The following TNS3 variants were observed in gnomAD, a reference collection of about 807,000 sequenced individuals.
TNS3 encodes the protein tensin 3, also known as tensin-3.
A neutral mutation model predicts 140.9 loss-of-function variants in TNS3; 45 were observed. That is an observed-to-expected ratio of 0.32 (90% CI 0.25 to 0.41). The LOEUF (loss-of-function observed/expected upper bound fraction) is 0.41, where lower values mean the gene tolerates loss of function less well. TNS3 is among the 10% of genes least tolerant of loss of function. TNS3 has a pLI of 1.00. For missense variants in TNS3, 1,716 were observed against 1,906.7 expected (o/e 0.90, Z 1.86); for synonymous variants, 815 against 788.4 (o/e 1.03, Z -0.56).
chr7:47,502,012 G>A (rs11505555), intron 3 of TNS3, among the ~76,000 whole-genome samples: 2,521 of 152,284 alleles, frequency 0.017, 64 homozygotes, highest in African/African-American at 0.057. Context: ...GTAGGCATAC[G>A]AGCAAGGTGG....
intron 2 of TNS3, among the ~76,000 whole-genome samples, chr7:47,514,942 C>A (rs1365032303): frequency 6.6e-6 from 1 of 152,154 alleles, no homozygotes; most frequent in Non-Finnish European, 1.5e-5. Context: ...TGTTAGGCCA[C>A]CCAAGGGAAC....
chr7:47,280,246 T>G, intron 29 of TNS3, 40 bp downstream of exon 29: 1 of 1,613,982 alleles, frequency 6.2e-7, no homozygotes, highest in Non-Finnish European at 8.5e-7. Flanking sequence ...AGGATAGAAT[T>G]AAGTACACTC....
chr7:47,510,631 T>C (rs552055393), intron 2 of TNS3, among the ~76,000 whole-genome samples: 10 of 152,184 alleles, frequency 6.6e-5, no homozygotes, highest in African/African-American at 2.2e-4. Flanking sequence ...CTCAACACTT[T>C]GGGAGGCTGA....
rs150249966 is a variant in TNS3 at position 47,577,164 on chromosome 7, G to A, written c.-265+4887C>T. On this transcript the variant is annotated intron_variant, in intron 1 of 30. Coordinates refer to ENST00000311160, the MANE Select transcript of TNS3 (RefSeq NM_022748.12). ...CTGGCTAGGAGTGGCACTTGTAATCGTCAGCAGGGCACCCGTATTCATCCT... is the reference window on the plus strand; with the variant it reads ...CTGGCTAGGAGTGGCACTTGTAATCATCAGCAGGGCACCCGTATTCATCCT... 3.9e-4 allele frequency among the ~76,000 whole-genome samples: 59 copies of A among 152,292 alleles called. No individual in the cohort carries two copies. In the Middle Eastern group the frequency reaches 0.01, roughly 26 times the overall value.
At chr7:47,552,334 C>T (rs948445099) in intron 1 of TNS3, among the ~76,000 whole-genome samples, 3 of 152,148 alleles carry the variant, frequency 2.0e-5, no homozygotes, top group South Asian at 2.1e-4. Flanking sequence ...TCTCTGCCTC[C>T]GTTGCAGAAA....
At chr7:47,508,156 T>G (rs1360543487) in intron 2 of TNS3, among the ~76,000 whole-genome samples, 1 of 152,170 alleles carries the variant, frequency 6.6e-6, no homozygotes, top group African/African-American at 2.4e-5. Flanking sequence ...TTCTATGATG[T>G]GTCAAAGTCA....
At chr7:47,334,059 C>A (rs1452202062) in intron 20 of TNS3, among the ~76,000 whole-genome samples, 3 of 152,152 alleles carry the variant, frequency 2.0e-5, no homozygotes, top group Non-Finnish European at 4.4e-5. Flanking sequence ...TGGCAAACAT[C>A]ATGACCCTTT....
intron 17 of TNS3, among the ~76,000 whole-genome samples, chr7:47,358,292 C>T (rs1465341784): frequency 1.3e-5 from 2 of 152,158 alleles, no homozygotes; most frequent in South Asian, 2.1e-4. Flanking sequence ...CACGTGCCAC[C>T]ATGCCCGGCT....
At chr7:47,287,194 AG>A (rs1365512709) in intron 27 of TNS3, among the ~76,000 whole-genome samples, 11 of 152,212 alleles carry the variant, frequency 7.2e-5, no homozygotes, top group Admixed American at 6.5e-4. Context: ...AAAAGAAGTA[AG>A]TCTTTCTTTT....
intron 2 of TNS3, among the ~76,000 whole-genome samples, chr7:47,519,000 C>T (rs1279761025): frequency 6.6e-6 from 1 of 151,698 alleles, no homozygotes; most frequent in Non-Finnish European, 1.5e-5. Flanking sequence ...CACTCAAGAG[C>T]TGACAGAGTC....
chr7:47,319,343 T>G (rs1320149422), intron 20 of TNS3, among the ~76,000 whole-genome samples: 6 of 151,760 alleles, frequency 4.0e-5, no homozygotes, highest in African/African-American at 1.5e-4. Context: ...ACTGGACTTG[T>G]GAAAGGAAGC....
intron 1 of TNS3, among the ~76,000 whole-genome samples, chr7:47,581,033 G>A (rs1015489775): frequency 1.2e-4 from 19 of 152,124 alleles, no homozygotes; most frequent in African/African-American, 4.6e-4. Flanking sequence ...GCTCTCTGCT[G>A]GCCCCACACC....
chr7:47,307,349 G>A (rs1352858702), intron 20 of TNS3, among the ~76,000 whole-genome samples: 1 of 152,200 alleles, frequency 6.6e-6, no homozygotes, highest in Non-Finnish European at 1.5e-5. Flanking sequence ...TTTCAACGGT[G>A]AGTACTTTTC....
intron 1 of TNS3, among the ~76,000 whole-genome samples, chr7:47,558,590 T>C (rs1030282654): frequency 1.3e-4 from 20 of 152,108 alleles, no homozygotes; most frequent in African/African-American, 4.6e-4. Context: ...TCCCATCACC[T>C]ACTTGCAAAT....
chr7:47,383,953 G>T (rs1188867106), intron 16 of TNS3, among the ~76,000 whole-genome samples: 3 of 152,192 alleles, frequency 2.0e-5, no homozygotes, highest in Non-Finnish European at 4.4e-5. Context: ...CTCCTGTGAA[G>T]TTCCTCCTCA....
At chr7:47,428,555 G>A (rs1277015270) in intron 8 of TNS3, among the ~76,000 whole-genome samples, 179 bp from the exon 9 acceptor site, 1 of 152,210 alleles carries the variant, frequency 6.6e-6, no homozygotes, top group African/African-American at 2.4e-5. Flanking sequence ...TGGAGTCTCT[G>A]CAACAGGGAA....
At chr7:47,378,087 G>C (rs985236982) in intron 16 of TNS3, among the ~76,000 whole-genome samples, 4 of 152,134 alleles carry the variant, frequency 2.6e-5, no homozygotes, top group East Asian at 3.9e-4. Flanking sequence ...CCTGGAGAAG[G>C]GGGTGTTTGC....
At chr7:47,305,823 A>G (rs1303031276) in intron 20 of TNS3, among the ~76,000 whole-genome samples, 1 of 152,178 alleles carries the variant, frequency 6.6e-6, no homozygotes, top group African/African-American at 2.4e-5. Context: ...GGACAAATCT[A>G]CCATGGTCAG....
At chr7:47,556,668 G>C (rs1031280829) in intron 1 of TNS3, among the ~76,000 whole-genome samples, 13 of 152,198 alleles carry the variant, frequency 8.5e-5, no homozygotes, top group Admixed American at 5.9e-4. Flanking sequence ...TCACACTCTG[G>C]GGGCAGGGGC....
Sources: allele counts gnomAD v4.1 joint callset (sites outside exome capture counted in the v4.1 genomes callset), GRCh38; gene constraint gnomAD v4.1.1; transcripts MANE v1.5; gene names NCBI Gene and HGNC (gene_info 2026-07-23, HGNC 2026-07-21).